The following MORC1 variants were observed in gnomAD, a reference collection of about 807,000 sequenced individuals.
The protein encoded by MORC1 is MORC family CW-type zinc finger 1.
A neutral mutation model predicts 134.9 loss-of-function variants in MORC1; 59 were observed. The observed-to-expected ratio is 0.44, with a 90% CI of 0.35 to 0.54. The LOEUF (loss-of-function observed/expected upper bound fraction) is 0.54. Among genes scored for constraint, MORC1 ranks in the 20% least tolerant of loss-of-function variants. MORC1 has a pLI of 0.00. For missense variants in MORC1, 947 were observed against 1,134.5 expected (o/e 0.83, Z 2.37); for synonymous variants, 395 against 391.7 (o/e 1.01, Z -0.10).
chr3:109,066,843 TCC>T (rs1950208392), intron 9 of MORC1, among the ~76,000 whole-genome samples: 1 of 152,168 alleles, frequency 6.6e-6, no homozygotes, highest in East Asian at 1.9e-4. Context: ...TTGCCAAAGG[TCC>T]ACAACTAGTA....
At chr3:109,011,979 T>G (rs1576630513) in intron 17 of MORC1, among the ~76,000 whole-genome samples, 1 of 152,260 alleles carries the variant, frequency 6.6e-6, no homozygotes, top group Non-Finnish European at 1.5e-5. Flanking sequence ...ATTTAAAAAA[T>G]TTTCTTTTTA....
Position 108,986,950 on chromosome 3 carries a change from C to A in MORC1, c.2188-1G>T. 1 of 1,554,540 alleles carries A rather than the reference C, an allele frequency of 6.4e-7. No individual in the cohort carries two copies. The highest frequency in any genetic ancestry group is 1.4e-5 in the African/African-American group (1 of 72,002). On this transcript the variant is annotated splice_acceptor_variant, in intron 21 of 27. Transcript: ENST00000232603. LOFTEE classifies it high-confidence loss of function. Reference sequence around the variant, plus strand: ...CATCAGTGTTGCTTTTATCTGAAACCTGAAAAACAAGCTCTTTATTTAAAA... The same window carrying A: ...CATCAGTGTTGCTTTTATCTGAAACATGAAAAACAAGCTCTTTATTTAAAA...
intron 21 of MORC1, among the ~76,000 whole-genome samples, chr3:108,996,207 T>C (rs971631642): frequency 1.3e-5 from 2 of 152,058 alleles, no homozygotes; most frequent in Non-Finnish European, 2.9e-5. Context: ...AATTTCATCA[T>C]GGCCACACAG....
chr3:109,012,868 C>CT (rs1390138177), intron 17 of MORC1, among the ~76,000 whole-genome samples: 2 of 152,244 alleles, frequency 1.3e-5, no homozygotes, highest in East Asian at 3.9e-4. Flanking sequence ...TTTACCTCTT[C>CT]TTCTGTAATC....
chr3:109,044,687 G>A (rs535723245), intron 14 of MORC1, among the ~76,000 whole-genome samples: 1 of 152,080 alleles, frequency 6.6e-6, no homozygotes, highest in Non-Finnish European at 1.5e-5. Flanking sequence ...GCTCATGCCT[G>A]TAATCCCAGC....
At position 109,027,868 on chromosome 3, in the gene MORC1, T is replaced by A; in HGVS notation, c.1587A>T (p.Leu529=). Residue 529 remains leucine, a synonymous_variant, in exon 17 of 28, where the codon CTA becomes CTT. Coordinates refer to ENST00000232603, the MANE Select transcript of MORC1 (RefSeq NM_014429.4). ...LENSCHQVEC[L]PSIPLGTMST... is the part of the protein sequence containing the mutation. Reference sequence around the variant, plus strand: ...TCATGGTGCCCAGTGGGATGGAAGGTAGACATTCTACCTGATGACAACTTC... The same window carrying A: ...TCATGGTGCCCAGTGGGATGGAAGGAAGACATTCTACCTGATGACAACTTC... The A allele has an allele frequency of 1.9e-6, 3 of 1,613,646 alleles. No homozygotes were observed. The highest frequency in any genetic ancestry group is 2.5e-6 in the Non-Finnish European group (3 of 1,179,800).
At chr3:109,007,450 C>T (rs1055105356) in intron 17 of MORC1, among the ~76,000 whole-genome samples, 1 of 152,162 alleles carries the variant, frequency 6.6e-6, no homozygotes, top group Non-Finnish European at 1.5e-5. Flanking sequence ...GGAATTCTGA[C>T]CTTAGGCAGT....
At chr3:108,980,448 A>C (rs1947684298) in intron 23 of MORC1, among the ~76,000 whole-genome samples, 1 of 152,096 alleles carries the variant, frequency 6.6e-6, no homozygotes, top group Admixed American at 6.6e-5. Flanking sequence ...TAGCATGGGG[A>C]CCCACACACC....
chr3:109,111,049 T>TAAAA (rs1951155768), intron 2 of MORC1, among the ~76,000 whole-genome samples: 10 of 48,954 alleles, frequency 2.0e-4, no homozygotes, highest in Admixed American at 5.1e-4. Context: ...TGGATATAAT[T>TAAAA]TAAAAAAAAA....
intron 14 of MORC1, 36 bp downstream of exon 14, chr3:109,054,692 T>C (rs755188561): frequency 6.9e-7 from 1 of 1,455,782 alleles, no homozygotes; most frequent in South Asian, 1.6e-5. Flanking sequence ...GTAATCCCTC[T>C]GTAAGTATCT....
intron 13 of MORC1, among the ~76,000 whole-genome samples, chr3:109,055,397 C>T (rs1949935566): frequency 6.6e-6 from 1 of 152,176 alleles, no homozygotes; most frequent in Non-Finnish European, 1.5e-5. Context: ...GGTGACATAA[C>T]CTGCTTTGGC....
At chr3:109,027,476 T>G (rs1225110748) in intron 17 of MORC1, among the ~76,000 whole-genome samples, 3 of 152,128 alleles carry the variant, frequency 2.0e-5, no homozygotes, top group Non-Finnish European at 4.4e-5. Flanking sequence ...CTCTATAAGG[T>G]TCTATGTGCA....
rs532133200 is a variant in MORC1, at chr3:108,964,711, G to A, written c.2605-1103C>T. Among the ~76,000 whole-genome samples, 11 of 152,252 alleles carry A rather than the reference G, an allele frequency of 7.2e-5. 1 individual carries two copies. The highest frequency in any genetic ancestry group is 2.6e-4 in the African/African-American group (11 of 41,566). ...TGGAGATATATAGGGTACAGTCTTTGCCCTCAAGAACTCTCTAGTTCACAG... is the reference window on the plus strand; with the variant it reads ...TGGAGATATATAGGGTACAGTCTTTACCCTCAAGAACTCTCTAGTTCACAG... On this transcript the variant is annotated intron_variant, in intron 26 of 27. Transcript: ENST00000232603.
chr3:108,988,241 C>A (rs1056450469), intron 21 of MORC1, among the ~76,000 whole-genome samples: 2 of 152,138 alleles, frequency 1.3e-5, no homozygotes, highest in African/African-American at 4.8e-5. Context: ...AGCTGCCTAT[C>A]ATTGCCATTT....
intron 9 of MORC1, among the ~76,000 whole-genome samples, chr3:109,063,454 A>T (rs925807247): frequency 6.6e-6 from 1 of 152,084 alleles, no homozygotes; most frequent in Non-Finnish European, 1.5e-5. Context: ...ACTTCATGAG[A>T]GCGATAAGAA....
intron 1 of MORC1, among the ~76,000 whole-genome samples, chr3:109,117,659 T>A (rs1951301142): frequency 6.6e-6 from 1 of 152,240 alleles, no homozygotes; most frequent in African/African-American, 2.4e-5. Context: ...GCAACTTTAA[T>A]GTTTAAATTG....
intron 14 of MORC1, among the ~76,000 whole-genome samples, chr3:109,050,775 T>A (rs976464092): frequency 6.6e-6 from 1 of 152,136 alleles, no homozygotes; most frequent in Non-Finnish European, 1.5e-5. Flanking sequence ...ATGGGCTGCC[T>A]CAAGAGGGAG....
intron 8 of MORC1, among the ~76,000 whole-genome samples, chr3:109,091,458 T>TAAATAAATAAAG (rs1260321964): frequency 1.3e-4 from 19 of 149,988 alleles, no homozygotes; most frequent in Non-Finnish European, 2.8e-4. Flanking sequence ...AATAAATAAA[T>TAAATAAATAAAG]AAATAAATAA....
chr3:109,101,795 G>C (rs919695692), intron 4 of MORC1, among the ~76,000 whole-genome samples: 1 of 152,172 alleles, frequency 6.6e-6, no homozygotes, highest in African/African-American at 2.4e-5. Context: ...TCACAGATGA[G>C]CAAATGTAAG....
Sources: gnomAD v4.1 joint callset for allele counts (sites outside exome capture counted in the v4.1 genomes callset) on GRCh38, gnomAD v4.1.1 for gene constraint, MANE v1.5 for transcripts, NCBI Gene and HGNC (gene_info 2026-07-23, HGNC 2026-07-21) for gene names.